Variants in METTL24 observed in about 807,000 individuals in gnomAD.
METTL24 encodes the protein probable methyltransferase-like protein 24.
Under a neutral mutation model 32.7 loss-of-function variants are expected in METTL24, and 29 were observed. The observed-to-expected ratio is 0.89, with a 90% CI of 0.66 to 1.21. METTL24 has a LOEUF of 1.21. Among genes scored for constraint, METTL24 ranks in the 50% most tolerant of loss-of-function variants. METTL24 has a pLI of 0.00. For missense variants in METTL24, 439 were observed against 468.1 expected, an observed-to-expected ratio of 0.94 and a Z score of 0.57; for synonymous variants, 163 against 179.5, an observed-to-expected ratio of 0.91 and a Z score of 0.73.
intron 3 of METTL24, 49 bp downstream of exon 3, chr6:110,315,293 G>C: frequency 1.2e-6 from 2 of 1,607,998 alleles, no homozygotes; most frequent in Non-Finnish European, 1.7e-6. Flanking sequence ...GGTCTGAGCT[G>C]CCTGAAGCAG....
At chr6:110,270,841 T>C (rs1770945126) in intron 4 of METTL24, among the ~76,000 whole-genome samples, 1 of 149,028 alleles carries the variant, frequency 6.7e-6, no homozygotes, top group Admixed American at 6.7e-5. Context: ...TTGATTCTTT[T>C]TTTTTTTTTT....
chr6:110,354,276 C>A (rs1772663749), intron 1 of METTL24, among the ~76,000 whole-genome samples: 1 of 152,190 alleles, frequency 6.6e-6, no homozygotes, highest in Non-Finnish European at 1.5e-5. Context: ...GAGGACTACA[C>A]TTCACTACTC....
intron 1 of METTL24, among the ~76,000 whole-genome samples, chr6:110,327,897 T>A (rs373515308): frequency 6.6e-6 from 1 of 152,170 alleles, no homozygotes; most frequent in Non-Finnish European, 1.5e-5. Context: ...GTTTCAAATA[T>A]CAAGTGGCCA....
At chr6:110,313,871 A>G (rs1771768336) in intron 3 of METTL24, among the ~76,000 whole-genome samples, 3 of 152,200 alleles carry the variant, frequency 2.0e-5, no homozygotes, top group Admixed American at 6.5e-5. Context: ...CATGGCAAGT[A>G]TGTATTGTGT....
rs942401865 is a variant in METTL24, at chr6:110,245,205, T to C, written c.*741A>G. Among the ~76,000 whole-genome samples, 1 of 152,214 alleles carries C rather than the reference T, an allele frequency of 6.6e-6. No individual in the cohort carries two copies. Among genetic ancestry groups the C allele is most frequent in the Non-Finnish European group, 1.5e-5 (1 of 68,034 alleles). On this transcript the variant is annotated 3_prime_UTR_variant, in exon 5 of 5. Transcript: ENST00000338882. ...GTGTAAGTGGACCTCATTCAACCAGTTGAAGGCCTGAATAGAACCTAAGGC... is the reference window on the plus strand; with the variant it reads ...GTGTAAGTGGACCTCATTCAACCAGCTGAAGGCCTGAATAGAACCTAAGGC...
chr6:110,244,394 C>T lies in METTL24; in HGVS notation c.*1552G>A, dbSNP rs1026557599. ...TTTTTTTTTTCTGTGAACAAATAAA[C>T]TTTATTCAGGTATAAAAAGCAAGTG... On this transcript the variant is annotated 3_prime_UTR_variant, in exon 5 of 5. Coordinates refer to ENST00000338882, the MANE Select transcript of METTL24 (RefSeq NM_001123364.3). Among the ~76,000 whole-genome samples, 2 of 151,576 alleles carry T rather than the reference C, an allele frequency of 1.3e-5. No homozygotes were observed. Among genetic ancestry groups the T allele is most frequent in the South Asian group, 2.1e-4 (1 of 4,822 alleles).
chr6:110,346,377 T>G (rs571655431), intron 1 of METTL24, among the ~76,000 whole-genome samples: 1 of 152,246 alleles, frequency 6.6e-6, no homozygotes, highest in South Asian at 2.1e-4. Flanking sequence ...AAGAAAAAAT[T>G]GTCAGAGAGC....
At chr6:110,342,084 C>G (rs973409146) in intron 1 of METTL24, among the ~76,000 whole-genome samples, 3 of 152,208 alleles carry the variant, frequency 2.0e-5, no homozygotes, top group Non-Finnish European at 2.9e-5. Context: ...GTGCAATGGG[C>G]TGACAGCTTC....
chr6:110,267,948 C>T (rs1407116301), intron 4 of METTL24, among the ~76,000 whole-genome samples: 1 of 152,108 alleles, frequency 6.6e-6, no homozygotes, highest in Non-Finnish European at 1.5e-5. Context: ...CTCACTATTT[C>T]AAGGACAGCA....
At chr6:110,329,000 T>G (rs1192809694) in intron 1 of METTL24, among the ~76,000 whole-genome samples, 1 of 152,188 alleles carries the variant, frequency 6.6e-6, no homozygotes, top group Non-Finnish European at 1.5e-5. Flanking sequence ...TTGTATAAAA[T>G]AAACCAAAAG....
At chr6:110,286,246 G>A (rs1366955313) in intron 4 of METTL24, among the ~76,000 whole-genome samples, 4 of 152,164 alleles carry the variant, frequency 2.6e-5, no homozygotes, top group Non-Finnish European at 5.9e-5. Flanking sequence ...AAGAGGGTGC[G>A]GGATTTGCAA....
At chr6:110,274,745 G>T (rs2114711723) in intron 4 of METTL24, among the ~76,000 whole-genome samples, 1 of 147,548 alleles carries the variant, frequency 6.8e-6, no homozygotes, top group South Asian at 2.1e-4. Flanking sequence ...GGTCCCTCAT[G>T]CCCACCCACA....
intron 2 of METTL24, among the ~76,000 whole-genome samples, chr6:110,321,142 C>A (rs1771923496): frequency 6.6e-6 from 1 of 152,082 alleles, no homozygotes; most frequent in Non-Finnish European, 1.5e-5. Context: ...GAGGCTGAGG[C>A]AGGAGAACCA....
At chr6:110,357,770 G>A in intron 1 of METTL24, 185 bp downstream of exon 1, 1 of 227,808 alleles carries the variant, frequency 4.4e-6, no homozygotes. Flanking sequence ...CCGCACTTCA[G>A]TCTATCTGGG....
chr6:110,301,042 T>C (rs895582082), intron 3 of METTL24, among the ~76,000 whole-genome samples: 4 of 152,120 alleles, frequency 2.6e-5, no homozygotes, highest in African/African-American at 7.2e-5. Context: ...CCTCCACAGG[T>C]GCTGAGGGGT....
chr6:110,343,622 G>C (rs890919114), intron 1 of METTL24, among the ~76,000 whole-genome samples: 1 of 152,216 alleles, frequency 6.6e-6, no homozygotes. Context: ...GTAGGGAGTA[G>C]GGGTGTTGAA....
At chr6:110,268,378 C>T (rs973415159) in intron 4 of METTL24, among the ~76,000 whole-genome samples, 1 of 152,086 alleles carries the variant, frequency 6.6e-6, no homozygotes, top group African/African-American at 2.4e-5. Context: ...TCTTAACACC[C>T]CTATAATATT....
intron 3 of METTL24, among the ~76,000 whole-genome samples, chr6:110,304,764 A>C (rs1172742383): frequency 5.3e-5 from 8 of 152,340 alleles, no homozygotes; most frequent in Admixed American, 2.0e-4. Flanking sequence ...CTTCCCCAAC[A>C]TAGCAAGACA....
chr6:110,286,661 G>T (rs1196878849), intron 4 of METTL24, among the ~76,000 whole-genome samples: 1 of 152,168 alleles, frequency 6.6e-6, no homozygotes, highest in Non-Finnish European at 1.5e-5. Context: ...CATCACCACA[G>T]CTGTGATAGT....
Sources: gnomAD v4.1 joint callset for allele counts (sites outside exome capture counted in the v4.1 genomes callset) on GRCh38, gnomAD v4.1.1 for gene constraint, MANE v1.5 for transcripts, NCBI Gene and HGNC (gene_info 2026-07-23, HGNC 2026-07-21) for gene names.